The following VWF variants were observed in gnomAD, a reference collection of about 807,000 sequenced individuals.
VWF encodes the protein Factor VIII related antigen.
A neutral mutation model predicts 308.6 loss-of-function variants in VWF; 176 were observed. The observed-to-expected ratio is 0.57, with a 90% CI of 0.50 to 0.65. VWF has a LOEUF of 0.65. Ranked by LOEUF, VWF falls within the 30% of genes least tolerant of loss-of-function variation. VWF has a pLI of 0.00. For synonymous variants in VWF, 1,385 were observed against 1,443.4 expected (o/e 0.96, Z 0.92); for missense variants, 3,146 against 3,648.2 (o/e 0.86, Z 3.55).
At chr12:6,007,507 G>C (rs1943942369) in intron 34 of VWF, among the ~76,000 whole-genome samples, 2 of 152,038 alleles carry the variant, frequency 1.3e-5, no homozygotes, top group Admixed American at 1.3e-4. Context: ...AGAAAAATCA[G>C]AAAATATTTT....
At chr12:5,971,981 T>C (rs957742662) in intron 43 of VWF, among the ~76,000 whole-genome samples, 1 of 152,156 alleles carries the variant, frequency 6.6e-6, no homozygotes, top group Non-Finnish European at 1.5e-5. Context: ...CATAGGAGCA[T>C]TAAAGACAGC....
Position 6,075,200 on chromosome 12 carries a change from G to T in VWF, c.874+135C>A. 2 of 1,128,374 alleles carry T rather than the reference G, an allele frequency of 1.8e-6. No homozygotes were observed. The allele number at this position is 1,128,374 out of a possible 1,614,324, so 69.9% of individuals were successfully genotyped here. On this transcript the variant is annotated intron_variant, in intron 7 of 51. Coordinates refer to ENST00000261405, the MANE Select transcript of VWF (RefSeq NM_000552.5). The surrounding 1 kb of genome is among the most constrained non-coding windows in gnomAD (Gnocchi z 4.7). ...TCAGGAAATGGGTCCGGGACACGTG[G>T]CTTTGTAGTCACTGGCTGGCTGGGT... is the stretch of plus-strand genomic sequence containing the variant.
intron 6 of VWF, among the ~76,000 whole-genome samples, chr12:6,079,093 C>T (rs184302280): frequency 1.7e-3 from 256 of 152,348 alleles, no homozygotes; most frequent in African/African-American, 5.7e-3. Flanking sequence ...GTCTGTCCTC[C>T]CATTTTGTCC....
intron 6 of VWF, among the ~76,000 whole-genome samples, chr12:6,087,712 A>G (rs1040030928): frequency 2.6e-5 from 4 of 152,022 alleles, no homozygotes; most frequent in African/African-American, 9.7e-5. Context: ...GTCTACCCAG[A>G]CACAGTTTGT....
chr12:5,994,638 T>C (rs1169614708), intron 35 of VWF, 31 bp from the exon 36 acceptor site: 1 of 1,608,480 alleles, frequency 6.2e-7, no homozygotes, highest in African/African-American at 1.3e-5. Context: ...TCATCCGTAG[T>C]CCTAGCAATG....
chr12:6,112,054 C>A (rs1365261394), intron 3 of VWF, among the ~76,000 whole-genome samples: 1 of 152,218 alleles, frequency 6.6e-6, no homozygotes, highest in Non-Finnish European at 1.5e-5. Flanking sequence ...AATGGAGATT[C>A]ATGAGCTCCA....
Position 6,075,935 on chromosome 12 carries a change from C to T in VWF, c.658-384G>A, listed in dbSNP as rs926549622. ...GCTGTCAGCATCGGTTCTGCACTGA[C>T]CTGTTCAGCTCCCCTCCCTGACCTT... On this transcript the variant is annotated intron_variant, in intron 6 of 51. Coordinates refer to ENST00000261405, the MANE Select transcript of VWF (RefSeq NM_000552.5). This position sits in a 1 kb window ranked among gnomAD's most constrained non-coding sequence, Gnocchi z 4.7. Among the ~76,000 whole-genome samples, 3 of 152,208 alleles carry T rather than the reference C, an allele frequency of 2.0e-5. No individual in the cohort carries two copies. The East Asian group carries it at 5.8e-4, about 29-fold the overall frequency.
Position 5,976,222 on chromosome 12 carries a change from C to T in VWF, c.7326G>A (p.Gln2442=). The stretch of plus-strand genomic sequence containing the variant: ...ACACATCGCAGCCCTCCTCCCAGAA[C>T]TGGCCCACAGGGTAGATGGTGCTTC... The part of the protein sequence containing the change: ...VHRSTIYPVG[Q]FWEEGCDVCT... The change falls in exon 43 of 52, where the codon CAG becomes CAA. Residue 2442 remains glutamine, a synonymous_variant. Coordinates refer to ENST00000261405, the MANE Select transcript of VWF (RefSeq NM_000552.5). The T allele has an allele frequency of 6.2e-7, 1 of 1,614,162 alleles. No homozygotes were observed. Among genetic ancestry groups the T allele is most frequent in the Non-Finnish European group, 8.5e-7 (1 of 1,180,044 alleles).
At chr12:6,108,068 G>C (rs1433831328) in intron 5 of VWF, among the ~76,000 whole-genome samples, 1 of 151,852 alleles carries the variant, frequency 6.6e-6, no homozygotes, top group Non-Finnish European at 1.5e-5. Context: ...CAGAGGCGGA[G>C]AGATCACTTG....
At position 6,079,434 on chromosome 12, in the gene VWF, A is replaced by G. The variant is rs188901030; in HGVS notation, c.658-3883T>C. ...ATCCTGGCTAACACGGTGAAACCCC[A>G]TCTCTACTAAAAATACAAAAAAAAA... On this transcript the variant is annotated intron_variant, in intron 6 of 51. Coordinates refer to ENST00000261405, the MANE Select transcript of VWF (RefSeq NM_000552.5). 3.8e-3 allele frequency among the ~76,000 whole-genome samples: 572 copies of G among 150,696 alleles called. 2 individuals carry two copies. Among genetic ancestry groups the G allele is most frequent in the Non-Finnish European group, 5.2e-3 (350 of 67,752 alleles).
rs372171661 is a variant in VWF at position 6,021,984 on chromosome 12, G to A, written c.3590C>T (p.Pro1197Leu). 16 of 1,614,170 alleles carry A rather than the reference G, an allele frequency of 9.9e-6. No homozygotes were observed. Among genetic ancestry groups the A allele is most frequent in the Non-Finnish European group, 1.4e-5 (16 of 1,180,044 alleles). Residue 1197 changes from proline to leucine, a missense_variant, in exon 27 of 52, where the codon CCA becomes CTA. Pro to Leu is a moderately conservative substitution (Grantham distance 98). Coordinates refer to ENST00000261405, the MANE Select transcript of VWF (RefSeq NM_000552.5). ...LQTCVDPEDC[P>L]VCEVAGRRFA... ...ACGCCGGCCAGCCACCTCACACACT[G>A]GACAGTCTTCAGGGTCAACGCAGGT...
chr12:6,026,759 A>T (rs1351836310), intron 22 of VWF, among the ~76,000 whole-genome samples: 1 of 152,232 alleles, frequency 6.6e-6, no homozygotes, highest in African/African-American at 2.4e-5. Flanking sequence ...CTGGAAGAGC[A>T]GACTTTGAAT....
At chr12:6,065,422 G>A (rs936124146) in intron 10 of VWF, 149 bp from the exon 11 acceptor site, 12 of 1,072,390 alleles carry the variant, frequency 1.1e-5, no homozygotes, top group East Asian at 5.2e-5. Context: ...CAAGTTCTAC[G>A]AGAAAATTCG....
At chr12:6,068,830 T>TGTGTG (rs1280885022) in intron 10 of VWF, among the ~76,000 whole-genome samples, 5 of 121,946 alleles carry the variant, frequency 4.1e-5, no homozygotes, top group African/African-American at 1.7e-4. Context: ...TTTTTTTTTT[T>TGTGTG]TTTGCGTGTG....
intron 47 of VWF, among the ~76,000 whole-genome samples, chr12:5,964,007 A>C (rs1035559544): frequency 6.6e-6 from 1 of 151,734 alleles, no homozygotes; most frequent in Non-Finnish European, 1.5e-5. Flanking sequence ...GGAGATTGAG[A>C]CCATTCTGGT....
chr12:6,103,534 A>G (rs1157224679), intron 5 of VWF, among the ~76,000 whole-genome samples: 1 of 123,598 alleles, frequency 8.1e-6, no homozygotes, highest in African/African-American at 3.0e-5. Context: ...GTGTATATAC[A>G]CATATATGTA....
intron 47 of VWF, among the ~76,000 whole-genome samples, chr12:5,963,983 A>G (rs11063958): frequency 0.6 from 91,573 of 151,582 alleles, 28,883 homozygotes; most frequent in African/African-American, 0.78. Flanking sequence ...CAAGGTGGGC[A>G]GATCACGAGG....
intron 47 of VWF, among the ~76,000 whole-genome samples, chr12:5,964,292 A>G (rs1273011693): frequency 6.6e-6 from 1 of 152,222 alleles, no homozygotes; most frequent in African/African-American, 2.4e-5. Context: ...ACATGCATAC[A>G]TACATACAAA....
intron 3 of VWF, among the ~76,000 whole-genome samples, chr12:6,115,447 G>A (rs1565395387): frequency 6.6e-6 from 1 of 152,076 alleles, no homozygotes; most frequent in East Asian, 1.9e-4. Context: ...TGCTCAGAAA[G>A]CACAGTAAAA....
Sources: gnomAD v4.1 joint callset for allele counts (sites outside exome capture counted in the v4.1 genomes callset) on GRCh38, gnomAD v4.1.1 for gene constraint, Gnocchi (gnomAD v3.1) non-coding constraint, MANE v1.5 for transcripts, NCBI Gene and HGNC (gene_info 2026-07-23, HGNC 2026-07-21) for gene names.